Variants in ABCA12 observed in about 807,000 individuals in gnomAD.
The protein encoded by ABCA12 is ATP binding cassette subfamily A member 12.
Under a neutral mutation model 293.5 loss-of-function variants are expected in ABCA12, and 156 were observed. The observed-to-expected ratio is 0.53, with a 90% CI of 0.47 to 0.61. ABCA12 has a LOEUF of 0.61. Ranked by LOEUF, ABCA12 falls within the 20% of genes least tolerant of loss-of-function variation. The pLI is 0.00. For synonymous variants in ABCA12, 1,063 were observed against 1,108.0 expected, an observed-to-expected ratio of 0.96 and a Z score of 0.81; for missense variants, 2,797 against 3,090.2, an observed-to-expected ratio of 0.91 and a Z score of 2.25.
chr2:215,086,629 CA>C (rs964889799), intron 2 of ABCA12, among the ~76,000 whole-genome samples: 16 of 152,306 alleles, frequency 1.1e-4, no homozygotes, highest in African/African-American at 3.6e-4. Flanking sequence ...TGTGTCCCAT[CA>C]CTCACCGTAT....
At chr2:215,125,953 C>T (rs1223154967) in intron 1 of ABCA12, among the ~76,000 whole-genome samples, 4 of 152,004 alleles carry the variant, frequency 2.6e-5, no homozygotes, top group Admixed American at 1.3e-4. Flanking sequence ...GCTTTTATTA[C>T]ATTAAGGTAT....
intron 39 of ABCA12, among the ~76,000 whole-genome samples, chr2:214,963,946 C>A (rs1390508447): frequency 5.9e-4 from 53 of 89,084 alleles, no homozygotes; most frequent in South Asian, 1.7e-3. Flanking sequence ...AAAAAAAAAA[C>A]TTCAGGCCAA....
chr2:214,984,351 C>T (rs1699740283), intron 28 of ABCA12, among the ~76,000 whole-genome samples: 1 of 152,154 alleles, frequency 6.6e-6, no homozygotes, highest in Non-Finnish European at 1.5e-5. Flanking sequence ...ACGCCTTGGC[C>T]TCCCAAAGTG....
chr2:215,079,566 C>G (rs972544445), intron 2 of ABCA12, among the ~76,000 whole-genome samples: 3 of 152,184 alleles, frequency 2.0e-5, no homozygotes, highest in Non-Finnish European at 2.9e-5. Context: ...ACAGTTAATT[C>G]AGGGCAAATG....
At chr2:215,044,998 G>T (rs571995816) in intron 7 of ABCA12, among the ~76,000 whole-genome samples, 2 of 152,088 alleles carry the variant, frequency 1.3e-5, no homozygotes, top group Admixed American at 6.6e-5. Context: ...TGCAGGATCT[G>T]CAAATACTTA....
chr2:214,936,881 A>G (rs1052406700), intron 51 of ABCA12, among the ~76,000 whole-genome samples: 3 of 152,038 alleles, frequency 2.0e-5, no homozygotes, highest in Admixed American at 1.3e-4. Flanking sequence ...TAATGAGTAG[A>G]TCAGCAAGGT....
chr2:215,120,606 G>A (rs991119502), intron 1 of ABCA12, among the ~76,000 whole-genome samples: 10 of 152,176 alleles, frequency 6.6e-5, no homozygotes, highest in Admixed American at 5.2e-4. Context: ...AGATGGGGAA[G>A]AGAAGGGGAT....
At chr2:215,047,903 A>G (rs895868474) in intron 6 of ABCA12, among the ~76,000 whole-genome samples, 21 of 151,818 alleles carry the variant, frequency 1.4e-4, no homozygotes, top group African/African-American at 5.1e-4. Context: ...ATGGGAGAAC[A>G]TTTTTGCAAA....
intron 1 of ABCA12, among the ~76,000 whole-genome samples, chr2:215,134,589 C>A (rs1360481730): frequency 4.2e-5 from 4 of 94,772 alleles, no homozygotes; most frequent in African/African-American, 2.3e-4. Context: ...CTCTCTCTCT[C>A]TCTCTCTCTC....
intron 7 of ABCA12, among the ~76,000 whole-genome samples, chr2:215,042,589 CATATTT>C (rs1440445732): frequency 6.6e-6 from 1 of 151,904 alleles, no homozygotes; most frequent in Non-Finnish European, 1.5e-5. Flanking sequence ...CATAATTGTT[CATATTT>C]ATAGAGTACA....
At position 215,134,612 on chromosome 2, in the gene ABCA12, TATATAGAG is replaced by T. The variant is rs1376742026; in HGVS notation, c.69+3520_69+3527del. ...CTCTCTCTCTCTCTATATATATATA[TATATAGAG>T]AGAGAGAGAGAGAGAGAGAGACAAA... On this transcript the variant is annotated intron_variant, in intron 1 of 52. Transcript: ENST00000272895. 2.2e-3 allele frequency among the ~76,000 whole-genome samples: 199 copies of T among 91,626 alleles called. 18 individuals are homozygous for T. Among genetic ancestry groups the T allele is most frequent in the African/African-American group, 0.011 (140 of 12,482 alleles). The allele number at this position is 91,626 out of a possible 152,430, so 60.1% of individuals were successfully genotyped here.
intron 51 of ABCA12, 133 bp downstream of exon 51, chr2:214,937,377 T>C (rs1215266626): frequency 1.6e-6 from 1 of 619,330 alleles, no homozygotes; most frequent in Non-Finnish European, 2.9e-6. Context: ...TTTTGTATTT[T>C]TTGTAGAGAC....
At chr2:214,947,661 G>A in intron 47 of ABCA12, 105 bp from the exon 48 acceptor site, 2 of 1,309,904 alleles carry the variant, frequency 1.5e-6, no homozygotes, top group African/African-American at 1.5e-5. Context: ...TGTTATCATG[G>A]AGAATATATC....
At chr2:215,118,691 G>A (rs1263116779) in intron 1 of ABCA12, among the ~76,000 whole-genome samples, 1 of 152,084 alleles carries the variant, frequency 6.6e-6, no homozygotes, top group African/African-American at 2.4e-5. Flanking sequence ...ATACAGCAAT[G>A]TAAGTTTTCA....
chr2:215,085,312 A>G (rs993608643), intron 2 of ABCA12: 1 of 152,112 alleles, frequency 6.6e-6, no homozygotes, highest in Non-Finnish European at 1.5e-5. Context: ...GGTGAAAAAG[A>G]TTTGGTGATA....
At chr2:214,994,032 C>T (rs1559136158) in intron 23 of ABCA12, among the ~76,000 whole-genome samples, 1 of 152,116 alleles carries the variant, frequency 6.6e-6, no homozygotes, top group Non-Finnish European at 1.5e-5. Flanking sequence ...AAAGCATTCA[C>T]TATTTAACAT....
At chr2:215,027,070 C>A in intron 9 of ABCA12, 132 bp from the exon 10 acceptor site, 1 of 672,868 alleles carries the variant, frequency 1.5e-6, no homozygotes, top group Non-Finnish European at 2.7e-6. Flanking sequence ...GTTGGCCGGG[C>A]GCGGTGGCTC....
chr2:214,966,606 C>T (rs1172348986), intron 39 of ABCA12, among the ~76,000 whole-genome samples: 2 of 152,034 alleles, frequency 1.3e-5, no homozygotes, highest in African/African-American at 2.4e-5. Context: ...CAGACATGCA[C>T]GTGACGTCAG....
At chr2:215,017,432 C>G (rs1304916195) in intron 14 of ABCA12, among the ~76,000 whole-genome samples, 1 of 152,312 alleles carries the variant, frequency 6.6e-6, no homozygotes, top group African/African-American at 2.4e-5. Flanking sequence ...ACCCTTAGTT[C>G]CCTTGACCAC....
Sources: gnomAD v4.1 joint callset for allele counts (sites outside exome capture counted in the v4.1 genomes callset) on GRCh38, gnomAD v4.1.1 for gene constraint, MANE v1.5 for transcripts, NCBI Gene and HGNC (gene_info 2026-07-23, HGNC 2026-07-21) for gene names.